LEPR: variants seen among roughly 807,000 people sequenced by gnomAD.
The protein encoded by LEPR is OB receptor.
A neutral mutation model predicts 114.7 loss-of-function variants in LEPR; 56 were observed. The ratio of observed to expected loss-of-function variants is 0.49; its 90% confidence interval spans 0.39 to 0.61. LEPR has a LOEUF of 0.61. Ranked by LOEUF, LEPR falls within the 20% of genes least tolerant of loss-of-function variation. The pLI is 0.00. For missense variants in LEPR, 1,202 were observed against 1,352.9 expected (o/e 0.89, Z 1.75); for synonymous variants, 443 against 461.4 (o/e 0.96, Z 0.51).
intron 2 of LEPR, among the ~76,000 whole-genome samples, chr1:65,449,824 G>A (rs1380766395): frequency 1.4e-5 from 2 of 145,582 alleles, no homozygotes; most frequent in Non-Finnish European, 3.0e-5. Flanking sequence ...CTTTTTTCTA[G>A]TTTTTTAAGG....
At chr1:65,552,804 A>G (rs992157899) in intron 2 of LEPR, among the ~76,000 whole-genome samples, 2 of 152,142 alleles carry the variant, frequency 1.3e-5, no homozygotes, top group African/African-American at 2.4e-5. Context: ...CAGTTTCTTC[A>G]TAGTGTTGAT....
At chr1:65,617,323 G>A (rs1657588698) in intron 15 of LEPR, among the ~76,000 whole-genome samples, 4 of 152,210 alleles carry the variant, frequency 2.6e-5, no homozygotes, top group Admixed American at 2.0e-4. Flanking sequence ...AAGCCACCTT[G>A]AGGAAGTGGT....
In LEPR at chr1:65,601,606, A is replaced by G. The variant is rs186348396; in HGVS notation, c.1209A>G (p.Gly403=). 2.3e-5 allele frequency: 37 copies of G among 1,613,770 alleles called. No individual in the cohort carries two copies. The East Asian group carries it at 2.7e-4, about 12-fold the overall frequency. ...FFNLNETKPR[G]KFTYDAVYCC... is the part of the protein sequence containing the mutation. ...ATCTGAATGAAACCAAACCTCGAGG[A>G]AAGTTTACCTATGATGCAGTGTACT... Residue 403 remains glycine, a synonymous_variant, in exon 9 of 20, where the codon GGA becomes GGG. Coordinates refer to ENST00000349533, the MANE Select transcript of LEPR (RefSeq NM_002303.6).
intron 1 of LEPR, chr1:65,421,500 C>G: frequency 6.5e-7 from 1 of 1,535,076 alleles, no homozygotes; most frequent in Non-Finnish European, 8.7e-7. Flanking sequence ...AATAGAGTAG[C>G]ATGACTTGTT....
chr1:65,435,113 A>C, intron 2 of LEPR: 2 of 985,414 alleles, frequency 2.0e-6, no homozygotes, highest in South Asian at 9.4e-5. Context: ...ATATTTTGGG[A>C]CAGGGAAAAT....
intron 2 of LEPR, among the ~76,000 whole-genome samples, chr1:65,501,965 C>T (rs1648475572): frequency 6.6e-6 from 1 of 152,072 alleles, no homozygotes; most frequent in Admixed American, 6.6e-5. Flanking sequence ...AATAAGGTAA[C>T]ATTGGCAATG....
chr1:65,433,386 G>A (rs1646515165), intron 2 of LEPR: 1 of 985,288 alleles, frequency 1.0e-6, no homozygotes, highest in Non-Finnish European at 1.2e-6. Flanking sequence ...GTTGGATCCT[G>A]TAATCACAGT....
At chr1:65,523,020 C>A (rs1017932253) in intron 2 of LEPR, among the ~76,000 whole-genome samples, 1 of 152,114 alleles carries the variant, frequency 6.6e-6, no homozygotes, top group African/African-American at 2.4e-5. Flanking sequence ...CAGGTATGTA[C>A]CCAATATTGT....
chr1:65,608,622 GATA>G lies in LEPR; in HGVS notation c.1604-128_1604-126del, dbSNP rs1428864700. ...CATAAAGTAATAGGGAAACAAATGA[GATA>G]ATGAGTGAGAAAGTTATGAAGAAGA... On this transcript the variant is annotated intron_variant, in intron 11 of 19. Coordinates refer to ENST00000349533, the MANE Select transcript of LEPR (RefSeq NM_002303.6). The G allele has an allele frequency of 3.7e-5, 39 of 1,047,004 alleles. No individual in the cohort carries two copies. In the African/African-American group the frequency reaches 5.2e-4, roughly 14 times the overall value. The allele number at this position is 1,047,004 out of a possible 1,614,324, so 64.9% of individuals were successfully genotyped here. A position where few individuals can be genotyped will look rare whatever the true frequency, so the allele number is the denominator to read the frequency against.
chr1:65,596,674 C>A, intron 7 of LEPR, 81 bp downstream of exon 7: 1 of 1,219,234 alleles, frequency 8.2e-7, no homozygotes, highest in African/African-American at 1.5e-5. Context: ...TTACCCTCTG[C>A]ATACTAAATA....
At chr1:65,635,216 A>G in intron 19 of LEPR, 1 of 967,602 alleles carries the variant, frequency 1.0e-6, no homozygotes, top group East Asian at 1.2e-4. Flanking sequence ...GACGTGTATG[A>G]TATATAAGCT....
intron 2 of LEPR, among the ~76,000 whole-genome samples, chr1:65,518,907 TTCTTTCTTTC>T (rs372808772): frequency 0.2 from 23,919 of 119,020 alleles, 2,580 homozygotes; most frequent in Non-Finnish European, 0.27. Context: ...CTTTCTTTCT[TTCTTTCTTTC>T]TCTCTTTCTC....
intron 2 of LEPR, among the ~76,000 whole-genome samples, chr1:65,502,823 C>T (rs1249394633): frequency 6.7e-6 from 1 of 149,062 alleles, no homozygotes; most frequent in Non-Finnish European, 1.5e-5. Flanking sequence ...ATCAAGAAGC[C>T]AGTGGGGCTG....
At chr1:65,546,360 T>C (rs560338454) in intron 2 of LEPR, among the ~76,000 whole-genome samples, 10 of 152,342 alleles carry the variant, frequency 6.6e-5, no homozygotes, top group African/African-American at 1.4e-4. Context: ...CATTGGCAGC[T>C]TGATGCGGAT....
chr1:65,604,944 GA>G (rs1656716984), intron 10 of LEPR, 93 bp from the exon 11 acceptor site: 5 of 1,495,404 alleles, frequency 3.3e-6, no homozygotes, highest in Non-Finnish European at 4.5e-6. Context: ...AAAGGTTGGG[GA>G]CTGCTGTTTT....
At chr1:65,521,364 G>C (rs558079988) in intron 2 of LEPR, among the ~76,000 whole-genome samples, 2 of 152,268 alleles carry the variant, frequency 1.3e-5, no homozygotes, top group South Asian at 4.1e-4. Flanking sequence ...TCAAAGGCCT[G>C]ACAGAACCAG....
chr1:65,494,485 C>G (rs766172230), intron 2 of LEPR, among the ~76,000 whole-genome samples: 67 of 152,044 alleles, frequency 4.4e-4, no homozygotes, highest in Non-Finnish European at 9.3e-4. Flanking sequence ...TTTGGCTGTT[C>G]TCTCTCCTCC....
intron 2 of LEPR, among the ~76,000 whole-genome samples, chr1:65,523,924 C>T (rs1003644689): frequency 1.1e-4 from 17 of 152,046 alleles, no homozygotes; most frequent in African/African-American, 3.4e-4. Flanking sequence ...TCCTTTACAA[C>T]AAAAAGAAGA....
chr1:65,574,246 G>A (rs2100821317), intron 5 of LEPR, among the ~76,000 whole-genome samples: 1 of 152,288 alleles, frequency 6.6e-6, no homozygotes, highest in Admixed American at 6.5e-5. Flanking sequence ...ATAGTGTTGG[G>A]AAGAGATCAG....
Sources: gnomAD v4.1 joint callset for allele counts (sites outside exome capture counted in the v4.1 genomes callset) on GRCh38, gnomAD v4.1.1 for gene constraint, MANE v1.5 for transcripts, NCBI Gene and HGNC (gene_info 2026-07-23, HGNC 2026-07-21) for gene names.